The following RPS6KA2 variants were observed in gnomAD, a reference collection of about 807,000 sequenced individuals.
RPS6KA2 encodes ribosomal protein S6 kinase alpha-2.
In RPS6KA2, 42 loss-of-function variants were observed where a neutral mutation model predicts 91.8. The ratio of observed to expected loss-of-function variants is 0.46; its 90% CI spans 0.36 to 0.59. The LOEUF (loss-of-function observed/expected upper bound fraction) is 0.59. RPS6KA2 is among the 20% of genes least tolerant of loss of function. RPS6KA2 has a pLI of 0.00. For synonymous variants in RPS6KA2, 414 were observed against 393.6 expected, an observed-to-expected ratio of 1.05 and a Z score of -0.61; for missense variants, 798 against 978.5, an observed-to-expected ratio of 0.82 and a Z score of 2.46.
chr6:166,596,182 C>A (rs993121973), intron 1 of RPS6KA2, among the ~76,000 whole-genome samples: 27 of 152,102 alleles, frequency 1.8e-4, no homozygotes, highest in African/African-American at 6.3e-4. Context: ...GGAAGATAGG[C>A]GGTAAGGTCC....
In RPS6KA2 at chr6:166,626,540, TC is replaced by T. The variant is rs1339193722; in HGVS notation, c.99+380del. ...GGGCGGAGCTGGGGGGCTTCTCCAC[TC>T]GGGACTTTGAGGGACCCCCGCGGAG... On this transcript the variant is annotated intron_variant, in intron 1 of 20. Transcript: ENST00000265678. This position sits in a 1 kb window ranked among gnomAD's most constrained non-coding sequence, Gnocchi z 4.1. Among the ~76,000 whole-genome samples the T allele has an allele frequency of 6.6e-6, 1 of 152,080 alleles. No homozygotes were observed. Among genetic ancestry groups the T allele is most frequent in the East Asian group, 1.9e-4 (1 of 5,154 alleles).
intron 2 of RPS6KA2, among the ~76,000 whole-genome samples, chr6:166,834,624 C>CA (rs1780273892): frequency 6.6e-6 from 1 of 152,116 alleles, no homozygotes; most frequent in Admixed American, 6.6e-5. Context: ...AAAGTTAAAA[C>CA]AAAAATGTCT....
intron 10 of RPS6KA2, among the ~76,000 whole-genome samples, chr6:166,474,142 G>A (rs942941993): frequency 1.3e-5 from 2 of 152,112 alleles, no homozygotes; most frequent in African/African-American, 2.4e-5. Context: ...AGGGCTGGTT[G>A]TGAGGGTGGG....
At chr6:166,774,733 C>T (rs1583103458) in intron 2 of RPS6KA2, among the ~76,000 whole-genome samples, 1 of 152,174 alleles carries the variant, frequency 6.6e-6, no homozygotes, top group Admixed American at 6.5e-5. Context: ...TCCCAGCAGA[C>T]AGCAGCCATC....
At chr6:166,838,736 G>A (rs983408891) in intron 2 of RPS6KA2, among the ~76,000 whole-genome samples, 8 of 150,318 alleles carry the variant, frequency 5.3e-5, no homozygotes, top group South Asian at 4.2e-4. Flanking sequence ...TGGAGGACTC[G>A]GAATCTTGGC....
chr6:166,773,680 G>A (rs772836267), intron 2 of RPS6KA2, among the ~76,000 whole-genome samples: 12 of 152,184 alleles, frequency 7.9e-5, no homozygotes, highest in Non-Finnish European at 1.0e-4. Context: ...GATTACAGGC[G>A]TGAGCCACTG....
At position 166,726,129 on chromosome 6, in the gene RPS6KA2, AT is replaced by A. The variant is rs3071135; in HGVS notation, c.123+132070del. Among the ~76,000 whole-genome samples, 23,914 of 147,758 alleles carry A rather than the reference AT, an allele frequency of 0.16. 5,172 individuals carry two copies. Among genetic ancestry groups the A allele is most frequent in the African/African-American group, 0.5 (20,218 of 40,830 alleles). On this transcript the variant is annotated intron_variant, in intron 2 of 21. Transcript: ENST00000503859. This position sits in a 1 kb window ranked among gnomAD's most constrained non-coding sequence, Gnocchi z 4.4. ...ATGCCCTTAGGCTACAATATAGAAG[AT>A]TTTTTTTTTTTTTTAGTTTAAAATC...
chr6:166,758,121 C>T (rs184481256), intron 2 of RPS6KA2, among the ~76,000 whole-genome samples: 4 of 152,334 alleles, frequency 2.6e-5, no homozygotes, highest in Admixed American at 6.5e-5. Context: ...AAAGACACTT[C>T]GGTCCTTCTC....
intron 2 of RPS6KA2, among the ~76,000 whole-genome samples, chr6:166,786,446 A>G (rs1778931438): frequency 6.6e-6 from 1 of 152,218 alleles, no homozygotes; most frequent in Admixed American, 6.5e-5. Flanking sequence ...CTGATTATCA[A>G]AGTAGAAAAG....
intron 1 of RPS6KA2, among the ~76,000 whole-genome samples, chr6:166,613,263 C>A (rs1482598093): frequency 1.3e-5 from 2 of 152,230 alleles, no homozygotes; most frequent in Non-Finnish European, 2.9e-5. Context: ...CAGCCTGTCG[C>A]CACCATTCAG....
At chr6:166,539,924 G>T (rs1350240184) in intron 1 of RPS6KA2, among the ~76,000 whole-genome samples, 1 of 152,218 alleles carries the variant, frequency 6.6e-6, no homozygotes, top group Non-Finnish European at 1.5e-5. Flanking sequence ...GGGGTGAGGG[G>T]CTGAAAAACT....
chr6:166,578,411 G>A (rs1002125008), intron 1 of RPS6KA2, among the ~76,000 whole-genome samples: 5 of 152,154 alleles, frequency 3.3e-5, no homozygotes, highest in Admixed American at 6.5e-5. Flanking sequence ...ATTTGGGTCC[G>A]GGCATCATTA....
Position 166,533,895 on chromosome 6 carries a change from A to C in RPS6KA2, c.217-2582T>G, listed in dbSNP as rs1783382601. Among the ~76,000 whole-genome samples the C allele has an allele frequency of 6.6e-6, 1 of 152,202 alleles. No homozygotes were observed. Among genetic ancestry groups the C allele is most frequent in the Admixed American group, 6.5e-5 (1 of 15,290 alleles). On this transcript the variant is annotated intron_variant, in intron 2 of 20. Coordinates refer to ENST00000265678, the MANE Select transcript of RPS6KA2 (RefSeq NM_021135.6). This position sits in a 1 kb window ranked among gnomAD's most constrained non-coding sequence, Gnocchi z 4.0. ...CCAAGAATTTGCAACCAGCCTGGGCAGCATAGCAAAACCCCAGGTCTAGTA... is the reference window on the plus strand; with the variant it reads ...CCAAGAATTTGCAACCAGCCTGGGCCGCATAGCAAAACCCCAGGTCTAGTA...
At chr6:166,700,995 G>A (rs553643368) in intron 2 of RPS6KA2, 5 of 930,954 alleles carry the variant, frequency 5.4e-6, no homozygotes, top group South Asian at 4.2e-5. Flanking sequence ...GTAAAAACTT[G>A]TGCATGTGAT....
chr6:166,415,182 A>G (rs1778457741), intron 19 of RPS6KA2, among the ~76,000 whole-genome samples: 1 of 152,264 alleles, frequency 6.6e-6, no homozygotes. Flanking sequence ...TCTTTTTTAT[A>G]CAGAAAAATC....
chr6:166,548,077 C>T (rs778845998), intron 1 of RPS6KA2, among the ~76,000 whole-genome samples: 2 of 152,192 alleles, frequency 1.3e-5, no homozygotes, highest in Non-Finnish European at 1.5e-5. Context: ...TGAAAGTTTA[C>T]GTAGGCTTTC....
At chr6:166,429,537 G>C (rs1779051782) in intron 16 of RPS6KA2, among the ~76,000 whole-genome samples, 1 of 152,138 alleles carries the variant, frequency 6.6e-6, no homozygotes, top group African/African-American at 2.4e-5. Context: ...TGCAACCTCT[G>C]CCTCCCAGGT....
intron 8 of RPS6KA2, among the ~76,000 whole-genome samples, chr6:166,498,086 GA>G (rs3835202): frequency 0.23 from 35,484 of 152,120 alleles, 4,969 homozygotes; most frequent in East Asian, 0.55. Context: ...GCGAAAACGC[GA>G]CAGAGACAAT....
intron 1 of RPS6KA2, among the ~76,000 whole-genome samples, chr6:166,550,825 A>G (rs1783988034): frequency 6.6e-6 from 1 of 151,808 alleles, no homozygotes; most frequent in Non-Finnish European, 1.5e-5. Context: ...ACACGGTGAA[A>G]CCCCGTCTCT....
Sources: allele counts gnomAD v4.1 joint callset (sites outside exome capture counted in the v4.1 genomes callset), GRCh38; gene constraint gnomAD v4.1.1; non-coding constraint Gnocchi (gnomAD v3.1); transcripts MANE v1.5; gene names NCBI Gene and HGNC (gene_info 2026-07-23, HGNC 2026-07-21).